MST1R: variants seen among roughly 807,000 people sequenced by gnomAD.
MST1R encodes the protein macrophage-stimulating protein receptor.
Under a neutral mutation model 117.8 loss-of-function variants are expected in MST1R, and 99 were observed. That is an observed-to-expected ratio of 0.84 (90% CI 0.71 to 0.99). The LOEUF is 0.99. MST1R is among the 50% of genes least tolerant of loss of function. MST1R has a pLI of 0.00. For missense variants in MST1R, 1,683 were observed against 1,840.2 expected (o/e 0.91, Z 1.56); for synonymous variants, 734 against 765.3 (o/e 0.96, Z 0.68).
At chr3:49,894,310 C>A (rs570434201) in intron 14 of MST1R, among the ~76,000 whole-genome samples, 1 of 152,078 alleles carries the variant, frequency 6.6e-6, no homozygotes, top group South Asian at 2.1e-4. Context: ...TGCCTGTAAT[C>A]CCAGCACTTT....
Position 49,896,087 on chromosome 3 carries a change from C to A in MST1R, c.2670G>T (p.Val890=), listed in dbSNP as rs1303576862. 6.2e-7 allele frequency: 1 copy of A among 1,612,048 alleles called. No individual in the cohort carries two copies. Among genetic ancestry groups the A allele is most frequent in the African/African-American group, 1.3e-5 (1 of 74,890 alleles). Residue 890 remains valine (V), a synonymous_variant, in exon 11 of 20, where the codon GTG becomes GTT. Transcript: ENST00000296474. ...IKFEYIGLGA[V]ADCVGINVTV... ...TCACGTTGATACCCACACAGTCAGC[C>A]ACAGCGCCCAGCCCAATATACTGCA...
chr3:49,890,166 C>T, intron 18 of MST1R, 106 bp from the exon 19 acceptor site: 8 of 1,381,046 alleles, frequency 5.8e-6, no homozygotes, highest in Non-Finnish European at 7.8e-6. Flanking sequence ...AAATGGAAGA[C>T]CCTACCCTCC....
Position 49,897,686 on chromosome 3 carries a change from C to A in MST1R, c.1881-1G>T. The A allele has an allele frequency of 6.2e-7, 1 of 1,609,494 alleles. No homozygotes were observed. The highest frequency in any genetic ancestry group is 8.5e-7 in the Non-Finnish European group (1 of 1,177,594). On this transcript the variant is annotated splice_acceptor_variant, in intron 5 of 19. Coordinates refer to ENST00000296474, the MANE Select transcript of MST1R (RefSeq NM_002447.4). LOFTEE classifies it high-confidence loss of function. ...TACAAAGTCTTTCCGGGGCACTGGT[C>A]TGGGGCACCAGGGGAACCCCTGAGG...
rs569815986 is a variant in MST1R, at chr3:49,903,040, C to T, written c.570G>A (p.Glu190=). ...SPLGTRVTVV[E]QGQASYFYVA... is the part of the protein sequence containing the mutation. ...CGTAGAAATAGGAGGCCTGGCCTTG[C>T]TCAACCACAGTTACACGGGTGCCCA... is the stretch of plus-strand genomic sequence containing the variant. Residue 190 remains glutamate (E), a synonymous_variant, in exon 1 of 20, where the codon GAG becomes GAA. Transcript: ENST00000296474. The T allele has an allele frequency of 6.2e-7, 1 of 1,611,910 alleles. No homozygotes were observed. Among genetic ancestry groups the T allele is most frequent in the African/African-American group, 1.3e-5 (1 of 75,080 alleles).
intron 14 of MST1R, among the ~76,000 whole-genome samples, chr3:49,892,396 C>T (rs1296128254): frequency 2.0e-5 from 3 of 151,740 alleles, no homozygotes; most frequent in Admixed American, 2.0e-4. Flanking sequence ...TATGGTGAAA[C>T]CCCATCTCTA....
At chr3:49,897,734 T>C in intron 5 of MST1R, 49 bp from the exon 6 acceptor site, 3 of 1,542,992 alleles carry the variant, frequency 1.9e-6, no homozygotes, top group Non-Finnish European at 2.6e-6. Flanking sequence ...TACACAGGCC[T>C]AGATGCATGC....
In MST1R at chr3:49,898,510, A is replaced by C. The variant is rs2082558406; in HGVS notation, c.1719+8T>G. 6.2e-7 allele frequency: 1 copy of C among 1,612,986 alleles called. No individual in the cohort carries two copies. The highest frequency in any genetic ancestry group is 8.5e-7 in the Non-Finnish European group (1 of 1,179,598). The stretch of plus-strand genomic sequence containing the variant: ...ACTCTTACCTGTGCCCTGCCAGGGA[A>C]GCCATACCTCAGTAAGCTTAGGTGG... On this transcript the variant is annotated splice_region_variant and intron_variant, in intron 4 of 19. Coordinates refer to ENST00000296474, the MANE Select transcript of MST1R (RefSeq NM_002447.4).
Position 49,902,386 on chromosome 3 carries a change from GGGGCAAAAACT to G in MST1R, c.1213_1223del (p.Ser405GlnfsTer23), listed in dbSNP as rs1397882394. 1.9e-6 allele frequency: 3 copies of G among 1,613,094 alleles called. No individual in the cohort carries two copies. The highest frequency in any genetic ancestry group is 2.5e-6 in the Non-Finnish European group (3 of 1,179,622). ...GCCCCTTCTTTCAGCTTACCGGGTT[GGGGCAAAAACT>G]GGGCGACTGGAAGAAGTCGAGGCCT... is the stretch of plus-strand genomic sequence containing the variant. On this transcript the variant is annotated frameshift_variant, in exon 1 of 20. Transcript: ENST00000296474. LOFTEE classifies it high-confidence loss of function.
At position 49,896,826 on chromosome 3, in the gene MST1R, TA is replaced by T. The variant is rs1180484517; in HGVS notation, c.2247del (p.Ser750AlafsTer24). On this transcript the variant is annotated frameshift_variant, in exon 8 of 20. Transcript: ENST00000296474. LOFTEE classifies it high-confidence loss of function. ...ACCTGGGCACCCCCCACCTGCAGGC[TA>T]AGGGGGACACTGGCCACCGTGGCCC... Reference protein sequence around the residue: ...PPGATVASVPLSLQVGGAQVP... With the variant: ...PPGATVASVPXSLQVGGAQVP... 3.2e-6 allele frequency: 5 copies of T among 1,557,248 alleles called. No individual in the cohort carries two copies. Among genetic ancestry groups the T allele is most frequent in the Non-Finnish European group, 4.3e-6 (5 of 1,149,732 alleles).
At position 49,895,194 on chromosome 3, in the gene MST1R, T is replaced by G; in HGVS notation, c.3244A>C (p.Thr1082Pro). 1 of 1,614,074 alleles carries G rather than the reference T, an allele frequency of 6.2e-7. No individual in the cohort carries two copies. The highest frequency in any genetic ancestry group is 8.5e-7 in the Non-Finnish European group (1 of 1,180,032). Residue 1082 changes from threonine (T) to proline (P), a missense_variant, in exon 14 of 20, where the codon ACC becomes CCC. Thr to Pro is a conservative substitution (Grantham distance 38). Transcript: ENST00000296474. The part of the protein sequence containing the change: ...DVLIPHERVV[T>P]HSDRVIGKGH... ...TTGCCAATGACTCGGTCACTGTGGGTGACCACCCGCTCATGGGGAATCAGC... is the reference window on the plus strand; with the variant it reads ...TTGCCAATGACTCGGTCACTGTGGGGGACCACCCGCTCATGGGGAATCAGC...
chr3:49,896,574 GA>G lies in MST1R; in HGVS notation c.2404del (p.Ser802HisfsTer41). On this transcript the variant is annotated frameshift_variant, in exon 9 of 20. Coordinates refer to ENST00000296474, the MANE Select transcript of MST1R (RefSeq NM_002447.4). LOFTEE classifies it high-confidence loss of function. ...HLTSAWHLVL[S>X]FHDGLRAVES... is the part of the protein sequence containing the mutation. ...CACTGCCCTAAGCCCGTCATGGAAT[GA>G]CAGCACTAAGTGCCATGCTGAAGTT... The G allele has an allele frequency of 6.2e-7, 1 of 1,614,184 alleles. No homozygotes were observed. The highest frequency in any genetic ancestry group is 8.5e-7 in the Non-Finnish European group (1 of 1,180,042).
At chr3:49,896,924 C>T (rs1160346571) in intron 7 of MST1R, 34 bp from the exon 8 acceptor site, 1 of 1,460,936 alleles carries the variant, frequency 6.8e-7, no homozygotes, top group Non-Finnish European at 9.1e-7. Context: ...CAAGGTTACC[C>T]TCTTTGTGAT....
At position 49,902,574 on chromosome 3, in the gene MST1R, G is replaced by C; in HGVS notation, c.1036C>G (p.Leu346Val). ...TTGCCAGTCACAAAGACCCCAAATA[G>C]TACTTCCTGGCCCTCGGCGATGCTC... ...ELSIAEGQEV[L>V]FGVFVTGKDG... Residue 346 changes from leucine to valine, a missense_variant, in exon 1 of 20, where the codon CTA becomes GTA. Leu to Val is a conservative substitution (Grantham distance 32). Coordinates refer to ENST00000296474, the MANE Select transcript of MST1R (RefSeq NM_002447.4). 1 of 1,613,890 alleles carries C rather than the reference G, an allele frequency of 6.2e-7. No individual in the cohort carries two copies.
chr3:49,897,607 G>C lies in MST1R; in HGVS notation c.1959C>G (p.Thr653=), dbSNP rs1020317349. 3 of 1,614,056 alleles carry C rather than the reference G, an allele frequency of 1.9e-6. No homozygotes were observed. The highest frequency in any genetic ancestry group is 2.5e-6 in the Non-Finnish European group (3 of 1,180,056). Residue 653 remains threonine, a synonymous_variant, in exon 6 of 20, where the codon ACC becomes ACG. Transcript: ENST00000296474. ...TGTTAGTCACGGTGAGGCTGACGTTGGTAGGCCCCACTGCCTGGGTGCCCA... is the reference window on the plus strand; with the variant it reads ...TGTTAGTCACGGTGAGGCTGACGTTCGTAGGCCCCACTGCCTGGGTGCCCA... ...EPLGTQAVGP[T]NVSLTVTNMP... is the part of the protein sequence containing the mutation.
In MST1R at chr3:49,890,474, TG is replaced by T. The variant is rs1279090987; in HGVS notation, c.3810+10del. The stretch of plus-strand genomic sequence containing the variant: ...AAAGCCATGTGGACTGTAGGGCAGG[TG>T]GGGCCTCACCACATCAGACTTGGTG... On this transcript the variant is annotated intron_variant, in intron 18 of 19. Transcript: ENST00000296474. 3.1e-6 allele frequency: 5 copies of T among 1,607,174 alleles called. No homozygotes were observed. The African/African-American group carries it at 6.7e-5, about 21-fold the overall frequency.
chr3:49,903,622 G>C lies in MST1R; in HGVS notation c.-13C>G. Reference sequence around the variant, plus strand: ...GGAGGAGCTCCATCGAGGCGAGCTGGGACCCTAGAGGATCCCTACCGGCCT... The same window carrying C: ...GGAGGAGCTCCATCGAGGCGAGCTGCGACCCTAGAGGATCCCTACCGGCCT... On this transcript the variant is annotated 5_prime_UTR_variant, in exon 1 of 20. Transcript: ENST00000296474. The C allele has an allele frequency of 1.3e-6, 2 of 1,546,494 alleles. No homozygotes were observed. The highest frequency in any genetic ancestry group is 1.7e-6 in the Non-Finnish European group (2 of 1,152,980).
At chr3:49,897,145 A>T in intron 7 of MST1R, 135 bp downstream of exon 7, 1 of 1,325,138 alleles carries the variant, frequency 7.5e-7, no homozygotes. Flanking sequence ...AGAGGGCAGT[A>T]GTCTTTTCTT....
At position 49,898,519 on chromosome 3, in the gene MST1R, T is replaced by C. The variant is rs757400054; in HGVS notation, c.1718A>G (p.Glu573Gly). 6.2e-7 allele frequency: 1 copy of C among 1,613,002 alleles called. No individual in the cohort carries two copies. The highest frequency in any genetic ancestry group is 8.5e-7 in the Non-Finnish European group (1 of 1,179,796). ...TGTGCCCTGCCAGGGAAGCCATACCTCAGTAAGCTTAGGTGGGCAGTGGTC... is the reference window on the plus strand; with the variant it reads ...TGTGCCCTGCCAGGGAAGCCATACCCCAGTAAGCTTAGGTGGGCAGTGGTC... ...QQDHCPPKLTEFHPHSGPLRG... is the reference protein window; with the variant it reads ...QQDHCPPKLTGFHPHSGPLRG... Residue 573 changes from glutamate (E) to glycine (G), a missense_variant and splice_region_variant, in exon 4 of 20, where the codon GAG becomes GGG. Transcript: ENST00000296474.
rs752761832 is a variant in MST1R, at chr3:49,895,972, C to T, written c.2785G>A (p.Ala929Thr). The part of the protein sequence containing the change: ...PPSLQLGQDG[A>T]PLQVCVDGEC... ...GCTGGGCTGCCTACCTGCAATGGGG[C>T]ACCATCCTGGCCAAGCTGCAGGGAT... is the stretch of plus-strand genomic sequence containing the variant. The change falls in exon 11 of 20, where the codon GCC becomes ACC. Residue 929 changes from alanine to threonine, a missense_variant. Ala to Thr is a moderately conservative substitution (Grantham distance 58, BLOSUM62 0). Coordinates refer to ENST00000296474, the MANE Select transcript of MST1R (RefSeq NM_002447.4). The T allele has an allele frequency of 1.3e-5, 21 of 1,571,872 alleles. No homozygotes were observed. Among genetic ancestry groups the T allele is most frequent in the Middle Eastern group, 3.4e-4 (2 of 5,848 alleles).
Sources: gnomAD v4.1 joint callset for allele counts (sites outside exome capture counted in the v4.1 genomes callset) on GRCh38, gnomAD v4.1.1 for gene constraint, MANE v1.5 for transcripts, NCBI Gene and HGNC (gene_info 2026-07-23, HGNC 2026-07-21) for gene names.